The following NOTUM variants were observed in gnomAD, a reference collection of about 807,000 sequenced individuals.
NOTUM encodes the protein palmitoleoyl-protein carboxylesterase NOTUM.
A neutral mutation model predicts 65.5 loss-of-function variants in NOTUM; 36 were observed. That is an observed-to-expected ratio of 0.55 (90% confidence interval 0.42 to 0.73). The LOEUF is 0.73. NOTUM is among the 30% of genes least tolerant of loss of function. NOTUM has a pLI of 0.00. For synonymous variants in NOTUM, 356 were observed against 297.9 expected (o/e 1.20, Z -2.01); for missense variants, 659 against 694.2 (o/e 0.95, Z 0.57).
At chr17:81,958,248 A>ATCCCTGCCCTGCCGTCCTGCCTCC (rs1327517581) in intron 5 of NOTUM, 87 bp downstream of exon 5, 6 of 894,846 alleles carry the variant, frequency 6.7e-6, no homozygotes, top group Admixed American at 3.7e-5. Context: ...GTCCCGCCTC[A>ATCCCTGCCCTGCCGTCCTGCCTCC]TCCCTGCCCT....
intron 3 of NOTUM, 26 bp from the exon 4 acceptor site, chr17:81,959,021 T>G: frequency 6.2e-7 from 1 of 1,606,826 alleles, no homozygotes; most frequent in Non-Finnish European, 8.5e-7. Context: ...CGGTGGGTCT[T>G]TCTAGCGGGA....
At chr17:81,957,687 A>G (rs1052125767) in intron 6 of NOTUM, 119 bp downstream of exon 6, 4 of 702,006 alleles carry the variant, frequency 5.7e-6, no homozygotes, top group African/African-American at 5.3e-5. Flanking sequence ...GCCACCTGCC[A>G]AGATCTGCAC....
At position 81,954,314 on chromosome 17, in the gene NOTUM, G is replaced by GCC. The variant is rs1469580549; in HGVS notation, c.1137-12_1137-11insGG. On this transcript the variant is annotated splice_polypyrimidine_tract_variant and intron_variant, in intron 9 of 10. Coordinates refer to ENST00000409678, the MANE Select transcript of NOTUM (RefSeq NM_178493.6). ...GGGGCAAAGCTGGCCCTGTTGGAGA[G>GCC]GAGACAGTGGCTTGTGAGCTCCTTA... The GCC allele has an allele frequency of 1.2e-6, 2 of 1,609,482 alleles. No individual in the cohort carries two copies. The highest frequency in any genetic ancestry group is 1.7e-6 in the Non-Finnish European group (2 of 1,175,938).
At chr17:81,958,786 C>T in intron 4 of NOTUM, 149 bp downstream of exon 4, 2 of 639,284 alleles carry the variant, frequency 3.1e-6, no homozygotes, top group Non-Finnish European at 5.6e-6. Flanking sequence ...ACCTCCAGAA[C>T]CCCTCTAGGA....
chr17:81,956,657 G>A lies in NOTUM; in HGVS notation c.981C>T (p.Thr327=), dbSNP rs752681632. The part of the protein sequence containing the change: ...NCFFGYKVYP[T]LRCPVFVVQW... ...GCTCTGCCGCCCACTCACAGCGCAG[G>A]GTCGGGTAGACCTTGTAGCCAAAGA... The change falls in exon 8 of 11, where the codon ACC becomes ACT. Residue 327 remains threonine, a synonymous_variant. Coordinates refer to ENST00000409678, the MANE Select transcript of NOTUM (RefSeq NM_178493.6). 1.6e-5 allele frequency: 25 copies of A among 1,609,852 alleles called. No individual in the cohort carries two copies. Among genetic ancestry groups the A allele is most frequent in the Non-Finnish European group, 2.0e-5 (24 of 1,177,232 alleles).
At chr17:81,959,017 G>C (rs534430586) in intron 3 of NOTUM, 22 bp from the exon 4 acceptor site, 1 of 1,609,446 alleles carries the variant, frequency 6.2e-7, no homozygotes. Flanking sequence ...GAGGCGGTGG[G>C]TCTTTCTAGC....
Position 81,956,318 on chromosome 17 carries a change from C to T in NOTUM, c.988+332G>A, listed in dbSNP as rs183522851. On this transcript the variant is annotated intron_variant, in intron 8 of 10. Coordinates refer to ENST00000409678, the MANE Select transcript of NOTUM (RefSeq NM_178493.6). ...GGAGGGGCAGCATGGGGATGAGCTC[C>T]AAAGCACACTAGCCACCGGTATAGG... 1.4e-4 allele frequency among the ~76,000 whole-genome samples: 22 copies of T among 152,270 alleles called. No individual in the cohort carries two copies. The East Asian group carries it at 4.1e-3, about 28-fold the overall frequency.
At chr17:81,954,437 C>T in intron 9 of NOTUM, 134 bp from the exon 10 acceptor site, 4 of 635,320 alleles carry the variant, frequency 6.3e-6, no homozygotes, top group Non-Finnish European at 1.1e-5. Context: ...TTCCTCTGGC[C>T]CGGGCCTCCC....
Position 81,960,967 on chromosome 17 carries a change from G to A in NOTUM, c.-58C>T. On this transcript the variant is annotated 5_prime_UTR_variant, in exon 1 of 11. Transcript: ENST00000409678. The surrounding 1 kb of genome is among the most constrained non-coding windows in gnomAD (Gnocchi z 6.4). ...TGAGGCGGCGGCGGCGGCGGCGGGG[G>A]ATGCCGGGCCGGGGGTGCCGGGCCG... The A allele has an allele frequency of 1.9e-6, 2 of 1,030,728 alleles. No homozygotes were observed. The highest frequency in any genetic ancestry group is 8.0e-5 in the East Asian group (2 of 24,982). 63.8% of individuals were successfully genotyped at this position (1,030,728 alleles called of 1,614,324 possible).
chr17:81,957,435 G>A (rs1442190886), intron 6 of NOTUM, among the ~76,000 whole-genome samples: 2 of 152,056 alleles, frequency 1.3e-5, no homozygotes, highest in African/African-American at 4.8e-5. Context: ...ATGCCTGCTG[G>A]GATACAGGAA....
chr17:81,954,982 CTATA>C (rs1480688869), intron 9 of NOTUM, among the ~76,000 whole-genome samples: 1 of 151,346 alleles, frequency 6.6e-6, no homozygotes, highest in African/African-American at 2.4e-5. Context: ...CTCTCTCTCT[CTATA>C]TATGTATTTT....
chr17:81,953,323 G>T, intron 10 of NOTUM, 56 bp from the exon 11 acceptor site: 1 of 1,206,774 alleles, frequency 8.3e-7, no homozygotes. Flanking sequence ...TCAACACTGA[G>T]GCAGCTGTTT....
chr17:81,959,217 G>A (rs74002708), intron 3 of NOTUM: 26,726 of 614,572 alleles, frequency 0.043, 1,043 homozygotes, highest in South Asian at 0.13. Context: ...CTGGACACCA[G>A]GTCTGACCTT....
intron 8 of NOTUM, 129 bp downstream of exon 8, chr17:81,956,521 C>A (rs2041434377): frequency 1.5e-6 from 1 of 664,676 alleles, no homozygotes; most frequent in Non-Finnish European, 2.7e-6. Context: ...CACAGCCGGA[C>A]TCCTCCCTGG....
At chr17:81,958,622 C>A (rs983384719) in intron 4 of NOTUM, among the ~76,000 whole-genome samples, 3 of 151,524 alleles carry the variant, frequency 2.0e-5, no homozygotes, top group Non-Finnish European at 4.4e-5. Context: ...CAGGACAGGA[C>A]CCCCCAGGAA....
chr17:81,960,537 G>C lies in NOTUM; in HGVS notation c.323+50C>G. On this transcript the variant is annotated intron_variant, in intron 1 of 10. Transcript: ENST00000409678. The surrounding 1 kb of genome is among the most constrained non-coding windows in gnomAD (Gnocchi z 6.4). ...GCGGCCCGCAGGGAAGGTCCAGCCGGAGACCGGGCGCGTCGGGCGGGGCGG... is the reference window on the plus strand; with the variant it reads ...GCGGCCCGCAGGGAAGGTCCAGCCGCAGACCGGGCGCGTCGGGCGGGGCGG... 7.6e-7 allele frequency: 1 copy of C among 1,311,350 alleles called. No individual in the cohort carries two copies. The highest frequency in any genetic ancestry group is 1.0e-6 in the Non-Finnish European group (1 of 979,210). 81.2% of individuals were successfully genotyped at this position (1,311,350 alleles called of 1,614,324 possible). A position where few individuals can be genotyped will look rare whatever the true frequency, so the allele number is the denominator to read the frequency against.
rs1301180243 is a variant in NOTUM at position 81,959,509 on chromosome 17, C to T, written c.434G>A (p.Arg145His). 17 of 1,548,650 alleles carry T rather than the reference C, an allele frequency of 1.1e-5. No individual in the cohort carries two copies. Among genetic ancestry groups the T allele is most frequent in the Non-Finnish European group, 1.3e-5 (15 of 1,146,452 alleles). The change falls in exon 3 of 11, where the codon CGC becomes CAC. Residue 145 changes from arginine (R) to histidine (H), a missense_variant. Physicochemically the swap from Arg to His is conservative, Grantham distance 29 (BLOSUM62 0). Coordinates refer to ENST00000409678, the MANE Select transcript of NOTUM (RefSeq NM_178493.6). ...CGGCCAGTCCCGGGAGCTCATGAGG[C>T]GCCGCATGGTGTCGTATCTGGAGTC... ...NCDSRYDTMRRLMSSRDWPRT... is the reference protein window; with the variant it reads ...NCDSRYDTMRHLMSSRDWPRT...
intron 3 of NOTUM, 75 bp downstream of exon 3, chr17:81,959,396 T>C (rs1317875949): frequency 1.5e-5 from 18 of 1,173,476 alleles, no homozygotes; most frequent in African/African-American, 1.5e-4. Flanking sequence ...GGGGCCTGGC[T>C]GGGGCTCCAG....
intron 4 of NOTUM, 129 bp downstream of exon 4, chr17:81,958,806 C>G: frequency 1.4e-6 from 1 of 709,182 alleles, no homozygotes. Context: ...ACAGGACCTC[C>G]CCAAAAGAAC....
Sources: gnomAD v4.1 joint callset for allele counts (sites outside exome capture counted in the v4.1 genomes callset) on GRCh38, gnomAD v4.1.1 for gene constraint, Gnocchi (gnomAD v3.1) non-coding constraint, MANE v1.5 for transcripts, NCBI Gene and HGNC (gene_info 2026-07-23, HGNC 2026-07-21) for gene names.